Variants in GPM6B observed in about 807,000 individuals in gnomAD.
GPM6B encodes the protein neuronal membrane glycoprotein M6-b.
GPM6B carries 4 observed loss-of-function variants against 27.2 expected under a neutral mutation model. The observed-to-expected ratio is 0.15, with a 90% CI of 0.07 to 0.34. The LOEUF (loss-of-function observed/expected upper bound fraction) is 0.34, where lower values mean the gene tolerates loss of function less well. Among genes scored for constraint, GPM6B ranks in the 10% least tolerant of loss-of-function variants. GPM6B has a pLI of 1.00. For missense variants in GPM6B, 183 were observed against 261.9 expected (o/e 0.70, Z 2.08); for synonymous variants, 124 against 103.1 (o/e 1.20, Z -1.23).
intron 1 of GPM6B, among the ~76,000 whole-genome samples, chrX:13,872,640 G>A (rs976754797): frequency 5.6e-5 from 6 of 107,378 alleles, no homozygotes; most frequent in Non-Finnish European, 9.6e-5. Context: ...CAGAGCGGAC[G>A]AGATGACCCA....
chrX:13,778,455 A>C (rs957511715), intron 5 of GPM6B, among the ~76,000 whole-genome samples: 2 of 112,434 alleles, frequency 1.8e-5, no homozygotes, highest in Non-Finnish European at 3.8e-5. Flanking sequence ...CTCTGCAATG[A>C]CAGTTGTCCA....
rs1029136791 is a variant in GPM6B at position 13,836,753 on chromosome X, T to C, written c.-197-50945A>G. Among the ~76,000 whole-genome samples the C allele has an allele frequency of 7.1e-5, 8 of 112,697 alleles. No individual in the cohort carries two copies. The East Asian group carries it at 1.9e-3, about 27-fold the overall frequency. ...AACTATACAGAACACACTACGTGTG[T>C]ACCTGACATATACAAATTGCCTCCA... On this transcript the variant is annotated intron_variant, in intron 1 of 6. Coordinates refer to the GPM6B transcript ENST00000398361.
chrX:13,863,926 A>G (rs1179630539), intron 1 of GPM6B, among the ~76,000 whole-genome samples: 1 of 112,878 alleles, frequency 8.9e-6, no homozygotes, highest in Non-Finnish European at 1.9e-5. Flanking sequence ...AATTTGTATC[A>G]TAAGTGATAA....
At chrX:13,826,026 G>T (rs1367209634) in intron 1 of GPM6B, among the ~76,000 whole-genome samples, 1 of 111,896 alleles carries the variant, frequency 8.9e-6, no homozygotes, top group Non-Finnish European at 1.9e-5. Context: ...CTTAGAAGAG[G>T]TGGTAGGGAT....
intron 1 of GPM6B, among the ~76,000 whole-genome samples, chrX:13,857,801 C>T (rs1383406143): frequency 8.9e-6 from 1 of 112,663 alleles, no homozygotes; most frequent in Non-Finnish European, 1.9e-5. Flanking sequence ...TGCTAGGGTA[C>T]AACAAGATAC....
At chrX:13,810,810 A>G (rs2049117495) in intron 1 of GPM6B, among the ~76,000 whole-genome samples, 1 of 110,091 alleles carries the variant, frequency 9.1e-6, no homozygotes, top group South Asian at 3.9e-4. Context: ...AACTGGATGG[A>G]TGTGTTCCAA....
chrX:13,924,286 C>T (rs969606358), intron 1 of GPM6B, among the ~76,000 whole-genome samples: 6 of 111,445 alleles, frequency 5.4e-5, no homozygotes, highest in African/African-American at 2.0e-4. Flanking sequence ...TGGATAAAAT[C>T]GATCCTTTAT....
At chrX:13,910,720 C>T (rs2050372107) in intron 1 of GPM6B, among the ~76,000 whole-genome samples, 1 of 112,620 alleles carries the variant, frequency 8.9e-6, no homozygotes, top group Admixed American at 9.4e-5. Flanking sequence ...ACCAATTATA[C>T]AGGTGGATTA....
chrX:13,846,854 CAT>C (rs1247574571), intron 1 of GPM6B, among the ~76,000 whole-genome samples: 2 of 100,068 alleles, frequency 2.0e-5, no homozygotes, highest in Non-Finnish European at 4.0e-5. Context: ...ATTACTGACA[CAT>C]GTTTTAGGCA....
At chrX:13,936,381 T>C (rs1235823171) in intron 1 of GPM6B, among the ~76,000 whole-genome samples, 2 of 112,375 alleles carry the variant, frequency 1.8e-5, no homozygotes, top group East Asian at 5.6e-4. Flanking sequence ...TCATCTATTT[T>C]ACCAGTAAAT....
intron 1 of GPM6B, among the ~76,000 whole-genome samples, chrX:13,826,176 G>A (rs966804955): frequency 2.1e-4 from 23 of 110,839 alleles, no homozygotes; most frequent in African/African-American, 4.9e-4. Context: ...ATGATCTTGG[G>A]TCTTAGTGAG....
chrX:13,908,478 G>A (rs1013215705), intron 1 of GPM6B, among the ~76,000 whole-genome samples: 4 of 112,201 alleles, frequency 3.6e-5, no homozygotes, highest in Non-Finnish European at 7.5e-5. Flanking sequence ...CGAAAGACAA[G>A]GAAAAACTTA....
At chrX:13,871,136 T>A (rs2049974596) in intron 1 of GPM6B, among the ~76,000 whole-genome samples, 2 of 110,502 alleles carry the variant, frequency 1.8e-5, no homozygotes. Flanking sequence ...AAGTTAGAGC[T>A]GTTTCATTCT....
At chrX:13,876,464 A>G (rs911983088) in intron 1 of GPM6B, among the ~76,000 whole-genome samples, 2 of 112,276 alleles carry the variant, frequency 1.8e-5, no homozygotes, top group Admixed American at 1.9e-4. Flanking sequence ...ATGAATACCC[A>G]TAGGCCCTAT....
intron 1 of GPM6B, among the ~76,000 whole-genome samples, chrX:13,815,051 A>G (rs1019732044): frequency 8.9e-6 from 1 of 112,221 alleles, no homozygotes; most frequent in African/African-American, 3.2e-5. Context: ...CAACCTGTAG[A>G]TCTGTTATTA....
chrX:13,937,938 G>A (rs757666047), intron 1 of GPM6B, among the ~76,000 whole-genome samples: 30 of 111,401 alleles, frequency 2.7e-4, no homozygotes, highest in Admixed American at 4.7e-4. Flanking sequence ...CTCAGCCTCC[G>A]TCCCATGCTG....
chrX:13,795,815 C>T (rs1365139266), intron 2 of GPM6B, among the ~76,000 whole-genome samples: 10 of 105,445 alleles, frequency 9.5e-5, no homozygotes, highest in African/African-American at 3.1e-4. Flanking sequence ...TGCAGTGGCA[C>T]GATCTCAGTT....
At chrX:13,775,525 A>G (rs920418124) in intron 7 of GPM6B, among the ~76,000 whole-genome samples, 1 of 112,714 alleles carries the variant, frequency 8.9e-6, no homozygotes, top group Non-Finnish European at 1.9e-5. Flanking sequence ...AGTGCTGTCT[A>G]GAGTCCCTAA....
intron 2 of GPM6B, among the ~76,000 whole-genome samples, chrX:13,803,855 C>G (rs761193654): frequency 4.3e-4 from 48 of 111,878 alleles, no homozygotes; most frequent in African/African-American, 1.6e-3. Context: ...GTTTTTCAAA[C>G]CAGCCAGGAC....
Sources: gnomAD v4.1 joint callset for allele counts (sites outside exome capture counted in the v4.1 genomes callset) on GRCh38, gnomAD v4.1.1 for gene constraint, MANE v1.5 for transcripts, NCBI Gene and HGNC (gene_info 2026-07-23, HGNC 2026-07-21) for gene names.